PCDH9: variants seen among roughly 807,000 people sequenced by gnomAD.
PCDH9 encodes protocadherin 9.
Under a neutral mutation model 70.6 loss-of-function variants are expected in PCDH9, and 24 were observed. The ratio of observed to expected loss-of-function variants is 0.34; its 90% confidence interval spans 0.25 to 0.48. The LOEUF is 0.48. PCDH9 is among the 20% of genes least tolerant of loss of function. PCDH9 has a pLI of 0.99. For missense variants in PCDH9, 1,281 were observed against 1,503.6 expected (o/e 0.85, Z 2.45); for synonymous variants, 562 against 558.5 (o/e 1.01, Z -0.09).
At chr13:66,764,674 C>CA (rs2079683016) in intron 3 of PCDH9, among the ~76,000 whole-genome samples, 1 of 151,964 alleles carries the variant, frequency 6.6e-6, no homozygotes, top group Non-Finnish European at 1.5e-5. Flanking sequence ...AGTTTGAAGT[C>CA]ATGGGCAGGG....
At chr13:67,110,365 A>G (rs1465348530) in intron 2 of PCDH9, among the ~76,000 whole-genome samples, 3 of 148,118 alleles carry the variant, frequency 2.0e-5, no homozygotes, top group Admixed American at 2.0e-4. Context: ...AATACAAAAA[A>G]TTAGCCGGGG....
At chr13:66,455,958 T>C (rs2138439801) in intron 4 of PCDH9, among the ~76,000 whole-genome samples, 1 of 152,278 alleles carries the variant, frequency 6.6e-6, no homozygotes, top group Non-Finnish European at 1.5e-5. Flanking sequence ...CTGCACTGGC[T>C]ATGAAATTAT....
chr13:67,135,253 A>C (rs1285999162), intron 2 of PCDH9, among the ~76,000 whole-genome samples: 1 of 152,010 alleles, frequency 6.6e-6, no homozygotes, highest in East Asian at 1.9e-4. Context: ...TTCTAGTTTT[A>C]ATTTTTTTAC....
intron 4 of PCDH9, among the ~76,000 whole-genome samples, chr13:66,326,335 A>G (rs1955843518): frequency 6.6e-6 from 1 of 151,486 alleles, no homozygotes; most frequent in Admixed American, 6.6e-5. Context: ...ATATTGTTTT[A>G]TAAACATACA....
intron 3 of PCDH9, among the ~76,000 whole-genome samples, chr13:66,842,602 G>C (rs1451722139): frequency 6.6e-6 from 1 of 152,026 alleles, no homozygotes; most frequent in East Asian, 1.9e-4. Context: ...TCTGAACTTA[G>C]AATAGCATAA....
intron 2 of PCDH9, among the ~76,000 whole-genome samples, chr13:67,096,214 G>A (rs2086316222): frequency 1.3e-5 from 2 of 152,120 alleles, no homozygotes. Flanking sequence ...GTTGGGGGTA[G>A]TGTTTCACAG....
intron 4 of PCDH9, among the ~76,000 whole-genome samples, chr13:66,489,806 T>C (rs1233390903): frequency 6.6e-6 from 1 of 152,158 alleles, no homozygotes; most frequent in Non-Finnish European, 1.5e-5. Flanking sequence ...GCTTAAAATA[T>C]AATCAGTTTC....
chr13:66,393,907 T>C (rs1020173599), intron 4 of PCDH9, among the ~76,000 whole-genome samples: 3 of 152,020 alleles, frequency 2.0e-5, no homozygotes, highest in African/African-American at 7.3e-5. Context: ...AGAAAGGAGG[T>C]GTGAGGCAAG....
At position 66,450,616 on chromosome 13, in the gene PCDH9, G is replaced by T. The variant is rs575934017; in HGVS notation, c.3341-145588C>A. Among the ~76,000 whole-genome samples the T allele has an allele frequency of 2.0e-5, 3 of 152,280 alleles. No homozygotes were observed. The East Asian group carries it at 5.8e-4, about 29-fold the overall frequency. ...AATAATACAAGTAGTGACCAATGGC[G>T]TTTTCAAGTGGAGTTGTGACACTGC... On this transcript the variant is annotated intron_variant, in intron 4 of 4. Transcript: ENST00000377865.
intron 2 of PCDH9, among the ~76,000 whole-genome samples, chr13:66,907,361 TGAG>T (rs1317375237): frequency 1.3e-5 from 2 of 152,186 alleles, no homozygotes; most frequent in African/African-American, 4.8e-5. Context: ...AAATCAAACT[TGAG>T]AAGTCTAAAG....
At position 67,153,396 on chromosome 13, in the gene PCDH9, C is replaced by G. The variant is rs1037693310; in HGVS notation, c.3036+72009G>C. ...ATGTTGTCCCAGCTGGTCTTGAACTCAGGGCTCAAGTGATCCTCCCACCTT... is the reference window on the plus strand; with the variant it reads ...ATGTTGTCCCAGCTGGTCTTGAACTGAGGGCTCAAGTGATCCTCCCACCTT... On this transcript the variant is annotated intron_variant, in intron 2 of 4. Transcript: ENST00000377865. 2.0e-5 allele frequency among the ~76,000 whole-genome samples: 3 copies of G among 152,100 alleles called. No homozygotes were observed. In the South Asian group the frequency reaches 6.2e-4, roughly 32 times the overall value.
intron 2 of PCDH9, among the ~76,000 whole-genome samples, chr13:67,069,138 T>C (rs1199790953): frequency 6.6e-6 from 1 of 152,192 alleles, no homozygotes; most frequent in African/African-American, 2.4e-5. Flanking sequence ...TTAAGGCATA[T>C]AATAAAATGC....
At chr13:66,338,451 A>T (rs1328838553) in intron 4 of PCDH9, among the ~76,000 whole-genome samples, 1 of 152,114 alleles carries the variant, frequency 6.6e-6, no homozygotes, top group African/African-American at 2.4e-5. Context: ...ACAGCATCAA[A>T]GTTATATTCT....
At chr13:67,108,014 T>C (rs1288718495) in intron 2 of PCDH9, among the ~76,000 whole-genome samples, 1 of 152,212 alleles carries the variant, frequency 6.6e-6, no homozygotes, top group African/African-American at 2.4e-5. Flanking sequence ...AGCCAGCACC[T>C]GTGCCAGCAC....
chr13:66,641,625 A>T (rs906660090), intron 3 of PCDH9, among the ~76,000 whole-genome samples: 3 of 152,170 alleles, frequency 2.0e-5, no homozygotes, highest in Non-Finnish European at 2.9e-5. Flanking sequence ...TATGGAAGGG[A>T]CTGTCTCTAG....
chr13:66,836,832 C>T (rs1051078979), intron 3 of PCDH9, among the ~76,000 whole-genome samples: 6 of 152,146 alleles, frequency 3.9e-5, no homozygotes, highest in African/African-American at 1.4e-4. Context: ...AATTCCAGAT[C>T]TCTGATGTAC....
intron 3 of PCDH9, among the ~76,000 whole-genome samples, chr13:66,774,218 C>T (rs937490146): frequency 6.6e-6 from 1 of 152,088 alleles, no homozygotes; most frequent in African/African-American, 2.4e-5. Flanking sequence ...GACTAAAGAC[C>T]ACAGGGGACA....
At chr13:67,037,488 C>T (rs1345379696) in intron 2 of PCDH9, among the ~76,000 whole-genome samples, 1 of 152,144 alleles carries the variant, frequency 6.6e-6, no homozygotes, top group Non-Finnish European at 1.5e-5. Context: ...TTGTTTGTGA[C>T]TCTGGCTATC....
chr13:66,488,486 G>A lies in PCDH9; in HGVS notation c.3340+142724C>T, dbSNP rs189151482. 3.7e-3 allele frequency among the ~76,000 whole-genome samples: 558 copies of A among 152,200 alleles called. 1 individual carries two copies. The highest frequency in any genetic ancestry group is 0.013 in the African/African-American group (538 of 41,526). ...TATTATTTTTAAAAAGTGATAAATCGTGAAGCAAAGATGAGAGATTTTTAT... is the reference window on the plus strand; with the variant it reads ...TATTATTTTTAAAAAGTGATAAATCATGAAGCAAAGATGAGAGATTTTTAT... On this transcript the variant is annotated intron_variant, in intron 4 of 4. Transcript: ENST00000377865.
Sources: gnomAD v4.1 joint callset for allele counts (sites outside exome capture counted in the v4.1 genomes callset) on GRCh38, gnomAD v4.1.1 for gene constraint, MANE v1.5 for transcripts, NCBI Gene and HGNC (gene_info 2026-07-23, HGNC 2026-07-21) for gene names.